The following SWI5 variants were observed in gnomAD, a reference collection of about 807,000 sequenced individuals.
The protein encoded by SWI5 is SWI5 homologous recombination repair protein, also known as DNA repair protein SWI5 homolog.
A neutral mutation model predicts 17.0 loss-of-function variants in SWI5; 12 were observed. That is an observed-to-expected ratio of 0.71 (90% CI 0.45 to 1.14). The LOEUF is 1.14. Among genes scored for constraint, SWI5 ranks in the 50% most tolerant of loss-of-function variants. SWI5 has a pLI of 0.00. For missense variants in SWI5, 158 were observed against 162.2 expected (o/e 0.97, Z 0.14); for synonymous variants, 61 against 64.0 (o/e 0.95, Z 0.22).
At chr9:128,281,426 C>A (rs1025725712) in intron 2 of SWI5, among the ~76,000 whole-genome samples, 2 of 152,080 alleles carry the variant, frequency 1.3e-5, no homozygotes, top group African/African-American at 4.8e-5. Context: ...GCAATACTTT[C>A]TTCCACCTTT....
upstream of SWI5, chr9:128,275,897 T>G: frequency 6.4e-7 from 1 of 1,561,240 alleles, no homozygotes; most frequent in South Asian, 1.1e-5. Flanking sequence ...CTTTACCTTT[T>G]TCTTCGCTGC....
At chr9:128,275,944 G>C (rs771373353), upstream of SWI5, 5 of 1,594,768 alleles carry the variant, frequency 3.1e-6, no homozygotes, top group Middle Eastern at 1.7e-4. Context: ...CCGACATCGC[G>C]GGGCGGGGAG....
chr9:128,277,948 C>G (rs531854962), intron 2 of SWI5, among the ~76,000 whole-genome samples: 23 of 80,870 alleles, frequency 2.8e-4, no homozygotes, highest in African/African-American at 8.9e-4. Context: ...CATTCCTTCT[C>G]TTTTTTTTTT....
At chr9:128,283,777 C>T (rs1187376399) in intron 2 of SWI5, among the ~76,000 whole-genome samples, 1 of 152,186 alleles carries the variant, frequency 6.6e-6, no homozygotes, top group African/African-American at 2.4e-5. Flanking sequence ...ACATTCCAGC[C>T]AGCGGGAAGG....
chr9:128,276,738 G>T (rs1159287388), exon 2 of SWI5: 1 of 1,612,622 alleles, frequency 6.2e-7, no homozygotes, highest in Non-Finnish European at 8.5e-7. Context: ...AAGTTGCCGC[G>T]GGGCCTTCCG....
intron 1 of SWI5, 139 bp downstream of exon 1, chr9:128,276,541 G>A: frequency 6.4e-7 from 1 of 1,572,436 alleles, no homozygotes; most frequent in Non-Finnish European, 8.7e-7. Context: ...CCCCTTCCTA[G>A]AGGGTCTCTA....
At chr9:128,286,888 G>A (rs1030059672) in intron 4 of SWI5, among the ~76,000 whole-genome samples, 4 of 152,076 alleles carry the variant, frequency 2.6e-5, no homozygotes, top group African/African-American at 7.2e-5. Context: ...GCTCACACCT[G>A]TAATCCCAGC....
chr9:128,275,379 C>A, upstream of SWI5: 1 of 1,286,122 alleles, frequency 7.8e-7, no homozygotes, highest in Non-Finnish European at 9.9e-7. Context: ...GGGGGAACAT[C>A]AGCGCGACGT....
At chr9:128,276,540 A>C in intron 1 of SWI5, 138 bp downstream of exon 1, 1 of 1,571,786 alleles carries the variant, frequency 6.4e-7, no homozygotes, top group Non-Finnish European at 8.7e-7. Context: ...CCCCCTTCCT[A>C]GAGGGTCTCT....
chr9:128,280,731 A>G (rs1289311607), intron 2 of SWI5, among the ~76,000 whole-genome samples: 2 of 151,954 alleles, frequency 1.3e-5, no homozygotes, highest in East Asian at 3.9e-4. Flanking sequence ...GTTACCCAGG[A>G]TGGTCTTGAT....
chr9:128,286,193 C>A (rs1831636375), intron 4 of SWI5, 160 bp downstream of exon 4: 1 of 587,504 alleles, frequency 1.7e-6, no homozygotes, highest in Admixed American at 2.9e-5. Flanking sequence ...TGACCAGCCT[C>A]TGGTCTCCCT....
At position 128,285,678 on chromosome 9, in the gene SWI5, T is replaced by C. The variant is rs1201302820; in HGVS notation, c.234-261T>C. Among the ~76,000 whole-genome samples the C allele has an allele frequency of 1.3e-5, 2 of 152,320 alleles. No homozygotes were observed. The highest frequency in any genetic ancestry group is 3.9e-4 in the East Asian group (2 of 5,176). On this transcript the variant is annotated intron_variant, in intron 3 of 4. Transcript: ENST00000418976. This position sits in a 1 kb window ranked among gnomAD's most constrained non-coding sequence, Gnocchi z 4.8. ...CGCCCATCTGCGAGTCCCTCAGCTG[T>C]GGCCAGGGTCACATGGTACCACTGT...
At chr9:128,280,224 T>A (rs1053233726) in intron 2 of SWI5, among the ~76,000 whole-genome samples, 1 of 152,112 alleles carries the variant, frequency 6.6e-6, no homozygotes, top group African/African-American at 2.4e-5. Context: ...ATTCTCTTTC[T>A]ACACACCTGC....
chr9:128,280,192 G>A (rs1211403104), intron 2 of SWI5, among the ~76,000 whole-genome samples: 1 of 151,846 alleles, frequency 6.6e-6, no homozygotes, highest in Non-Finnish European at 1.5e-5. Flanking sequence ...ACATTTCCGG[G>A]TGGCTCTGCT....
chr9:128,285,840 G>C lies in SWI5; in HGVS notation c.234-99G>C. 1 of 773,766 alleles carries C rather than the reference G, an allele frequency of 1.3e-6. No individual in the cohort carries two copies. Among genetic ancestry groups the C allele is most frequent in the South Asian group, 1.6e-5 (1 of 64,106 alleles). The allele number at this position is 773,766 out of a possible 1,614,324, so 47.9% of individuals were successfully genotyped here. On this transcript the variant is annotated intron_variant, in intron 3 of 4. Coordinates refer to ENST00000418976, the Ensembl canonical transcript of SWI5. The surrounding 1 kb of genome is among the most constrained non-coding windows in gnomAD (Gnocchi z 4.8). The stretch of plus-strand genomic sequence containing the variant: ...CCATATCCCTAGTACCTATCACCGA[G>C]TAGGCCATTACAGATGCCTTATTAC...
intron 2 of SWI5, among the ~76,000 whole-genome samples, chr9:128,277,500 G>A (rs1831439630): frequency 6.6e-6 from 1 of 152,214 alleles, no homozygotes; most frequent in Admixed American, 6.5e-5. Context: ...GTTGCAGTAA[G>A]CCGAGATTGC....
At chr9:128,278,119 A>T (rs1386816169) in intron 2 of SWI5, among the ~76,000 whole-genome samples, 1 of 151,708 alleles carries the variant, frequency 6.6e-6, no homozygotes, top group Non-Finnish European at 1.5e-5. Context: ...CGCCTGGCTA[A>T]TTTTTTTGTA....
At chr9:128,276,367 C>T in exon 1 of SWI5, 4 of 1,613,268 alleles carry the variant, frequency 2.5e-6, no homozygotes, top group Non-Finnish European at 3.4e-6. Flanking sequence ...CATTGAACCC[C>T]CTGATCCGGG....
At chr9:128,286,872 G>A (rs879879929) in intron 4 of SWI5, among the ~76,000 whole-genome samples, 3 of 152,062 alleles carry the variant, frequency 2.0e-5, no homozygotes, top group Non-Finnish European at 4.4e-5. Context: ...TCAGCCGGGC[G>A]CAGTGGCTCA....
Sources: allele counts gnomAD v4.1 joint callset (sites outside exome capture counted in the v4.1 genomes callset), GRCh38; gene constraint gnomAD v4.1.1; non-coding constraint Gnocchi (gnomAD v3.1); transcripts MANE v1.5; gene names NCBI Gene and HGNC (gene_info 2026-07-23, HGNC 2026-07-21).